PLA2G12A: variants seen among roughly 807,000 people sequenced by gnomAD.
PLA2G12A encodes group XIIA secretory phospholipase A2.
PLA2G12A carries 11 observed loss-of-function variants against 16.0 expected under a neutral mutation model. The observed-to-expected ratio is 0.69, with a 90% CI of 0.43 to 1.13. The LOEUF (loss-of-function observed/expected upper bound fraction) is 1.13, where lower values mean the gene tolerates loss of function less well. Ranked by LOEUF, PLA2G12A falls within the 50% of genes most tolerant of loss-of-function variation. The pLI is 0.00. For synonymous variants in PLA2G12A, 77 were observed against 93.8 expected (o/e 0.82, Z 1.03); for missense variants, 214 against 237.3 (o/e 0.90, Z 0.65).
chr4:109,729,556 A>G, intron 1 of PLA2G12A, 46 bp downstream of exon 1: 5 of 1,577,020 alleles, frequency 3.2e-6, no homozygotes, highest in Non-Finnish European at 3.5e-6. Flanking sequence ...CGTCACCCCA[A>G]TCCCCCGAAA....
intron 1 of PLA2G12A, among the ~76,000 whole-genome samples, chr4:109,727,677 T>C (rs934421340): frequency 9.2e-5 from 14 of 152,210 alleles, no homozygotes; most frequent in African/African-American, 3.1e-4. Context: ...GGGCATGGCC[T>C]ATAGTCCTAG....
Position 109,710,620 on chromosome 4 carries a change from C to T in PLA2G12A, c.*3757G>A, listed in dbSNP as rs899874948. 9 of 152,356 alleles carry T rather than the reference C, an allele frequency of 5.9e-5. No homozygotes were observed. The highest frequency in any genetic ancestry group is 2.2e-4 in the African/African-American group (9 of 41,570). The allele number at this position is 152,356 out of a possible 1,614,324, so 9.4% of individuals were successfully genotyped here. On this transcript the variant is annotated 3_prime_UTR_variant, in exon 4 of 4. Coordinates refer to ENST00000243501, the MANE Select transcript of PLA2G12A (RefSeq NM_030821.5). ...GGCTGGGATTACAGGCATGTGCCAC[C>T]ACACCCAACTAATTTTTGTATTTTT...
chr4:109,721,480 C>T (rs558896433), intron 1 of PLA2G12A, among the ~76,000 whole-genome samples: 1 of 152,212 alleles, frequency 6.6e-6, no homozygotes, highest in Non-Finnish European at 1.5e-5. Flanking sequence ...TGCCACCAGG[C>T]CTGGCTAATT....
In PLA2G12A at chr4:109,712,367, TA is replaced by T. The variant is rs1301794453; in HGVS notation, c.*2009del. 1 of 152,234 alleles carries T rather than the reference TA, an allele frequency of 6.6e-6. No homozygotes were observed. The highest frequency in any genetic ancestry group is 1.5e-5 in the Non-Finnish European group (1 of 68,042). The allele number at this position is 152,234 out of a possible 1,614,324, so 9.4% of individuals were successfully genotyped here. On this transcript the variant is annotated 3_prime_UTR_variant, in exon 4 of 4. Transcript: ENST00000243501. ...AAAACTGTTTCTACTGATTTTTGTA[TA>T]ATTTGTGATCACGAATTATATTTTA...
chr4:109,723,466 C>T (rs1722854710), intron 1 of PLA2G12A, among the ~76,000 whole-genome samples: 1 of 152,208 alleles, frequency 6.6e-6, no homozygotes, highest in African/African-American at 2.4e-5. Context: ...AGGTCCACTA[C>T]AGATGAGTCC....
intron 1 of PLA2G12A, among the ~76,000 whole-genome samples, chr4:109,722,017 C>G (rs1311968050): frequency 2.0e-5 from 3 of 152,166 alleles, no homozygotes; most frequent in African/African-American, 7.2e-5. Context: ...ACACCAACCC[C>G]CATAATCCAG....
In PLA2G12A at chr4:109,718,750, G is replaced by A; in HGVS notation, c.218C>T (p.Pro73Leu). The A allele has an allele frequency of 1.3e-6, 2 of 1,583,040 alleles. No individual in the cohort carries two copies. Among genetic ancestry groups the A allele is most frequent in the Non-Finnish European group, 1.7e-6 (2 of 1,162,594 alleles). Residue 73 changes from proline to leucine, a missense_variant, in exon 2 of 4, where the codon CCT becomes CTT. Pro to Leu is a moderately conservative substitution (Grantham distance 98). Transcript: ENST00000243501. ...GGGTTTATAACCATAACGTGGGAAA[G>A]GCTTAGATCCTATAAAATATAATGG... ...CQYKCSDGSKPFPRYGYKPSP... is the reference protein window; with the variant it reads ...CQYKCSDGSKLFPRYGYKPSP...
At chr4:109,718,339 C>T (rs1426269693) in intron 2 of PLA2G12A, among the ~76,000 whole-genome samples, 1 of 152,130 alleles carries the variant, frequency 6.6e-6, no homozygotes. Context: ...CCTACAACAA[C>T]CACACAGCTA....
At chr4:109,715,817 T>G (rs1290408559) in intron 3 of PLA2G12A, among the ~76,000 whole-genome samples, 1 of 152,200 alleles carries the variant, frequency 6.6e-6, no homozygotes, top group African/African-American at 2.4e-5. Context: ...GAAAAGGTAA[T>G]TTATTTACTT....
intron 1 of PLA2G12A, among the ~76,000 whole-genome samples, chr4:109,724,066 C>T (rs1722870692): frequency 6.6e-6 from 1 of 152,176 alleles, no homozygotes; most frequent in Non-Finnish European, 1.5e-5. Flanking sequence ...GATTACCACC[C>T]TCAGACAACC....
chr4:109,724,575 A>C (rs576272642), intron 1 of PLA2G12A, among the ~76,000 whole-genome samples: 2 of 152,338 alleles, frequency 1.3e-5, no homozygotes, highest in South Asian at 4.1e-4. Context: ...AATGACAGTG[A>C]TACATATATA....
intron 1 of PLA2G12A, among the ~76,000 whole-genome samples, chr4:109,719,536 C>A (rs1730885414): frequency 1.3e-5 from 2 of 152,164 alleles, no homozygotes; most frequent in Non-Finnish European, 2.9e-5. Context: ...ATGACATTAT[C>A]ATAGCAATCT....
intron 1 of PLA2G12A, among the ~76,000 whole-genome samples, chr4:109,723,393 C>T (rs1246455964): frequency 6.6e-6 from 1 of 152,156 alleles, no homozygotes; most frequent in East Asian, 1.9e-4. Flanking sequence ...GAGTTATTCA[C>T]CCAGTGTTGC....
At chr4:109,724,085 C>T (rs1207561828) in intron 1 of PLA2G12A, among the ~76,000 whole-genome samples, 3 of 152,166 alleles carry the variant, frequency 2.0e-5, no homozygotes, top group Non-Finnish European at 4.4e-5. Context: ...CCGATATGGG[C>T]CTATGGCTTT....
chr4:109,728,053 C>T (rs575100343), intron 1 of PLA2G12A, among the ~76,000 whole-genome samples: 1 of 152,218 alleles, frequency 6.6e-6, no homozygotes, highest in Admixed American at 6.5e-5. Context: ...CTTGCTATTC[C>T]CTCTGTCTGG....
chr4:109,718,033 A>G (rs1730858452), intron 2 of PLA2G12A, among the ~76,000 whole-genome samples: 1 of 152,236 alleles, frequency 6.6e-6, no homozygotes, highest in Non-Finnish European at 1.5e-5. Context: ...GATGAGGCTA[A>G]GTCCATTAAA....
chr4:109,724,690 T>C (rs1722895167), intron 1 of PLA2G12A, among the ~76,000 whole-genome samples: 1 of 152,068 alleles, frequency 6.6e-6, no homozygotes, highest in African/African-American at 2.4e-5. Flanking sequence ...ACTAAAAACA[T>C]GCCCACCATA....
At chr4:109,719,873 C>A (rs1239288767) in intron 1 of PLA2G12A, among the ~76,000 whole-genome samples, 2 of 152,102 alleles carry the variant, frequency 1.3e-5, no homozygotes, top group Non-Finnish European at 2.9e-5. Flanking sequence ...AATGCAGGGT[C>A]GCCGCTAACC....
At chr4:109,726,317 T>G (rs1297607813) in intron 1 of PLA2G12A, among the ~76,000 whole-genome samples, 1 of 152,248 alleles carries the variant, frequency 6.6e-6, no homozygotes, top group Non-Finnish European at 1.5e-5. Flanking sequence ...TTCCACGGTC[T>G]TCCCCATATC....
Sources: gnomAD v4.1 joint callset for allele counts (sites outside exome capture counted in the v4.1 genomes callset) on GRCh38, gnomAD v4.1.1 for gene constraint, MANE v1.5 for transcripts, NCBI Gene and HGNC (gene_info 2026-07-23, HGNC 2026-07-21) for gene names.